The following CTCF variants were observed in gnomAD, a reference collection of about 807,000 sequenced individuals.
The protein encoded by CTCF is CCCTC-binding factor.
A neutral mutation model predicts 72.3 loss-of-function variants in CTCF; 7 were observed. The observed-to-expected ratio is 0.10, with a 90% CI of 0.06 to 0.18. The LOEUF is 0.18. CTCF is among the 10% of genes least tolerant of loss of function. The pLI, the probability that CTCF is intolerant of heterozygous loss-of-function variation, is 1.00. For synonymous variants in CTCF, 374 were observed against 315.8 expected (o/e 1.18, Z -1.95); for missense variants, 516 against 949.1 (o/e 0.54, Z 6.00).
rs1461440195 is a variant in CTCF, at chr16:67,637,951, C to T, written c.*79C>T. 4 of 1,272,094 alleles carry T rather than the reference C, an allele frequency of 3.1e-6. No individual in the cohort carries two copies. The Admixed American group carries it at 1.1e-4, about 35-fold the overall frequency. 78.8% of individuals were successfully genotyped at this position (1,272,094 alleles called of 1,614,324 possible). ...GCATCTTAATTTTTCTCCCTTCTTT[C>T]TTTTTTTGGCTTTGGGAAAAGCATC... is the stretch of plus-strand genomic sequence containing the variant. On this transcript the variant is annotated 3_prime_UTR_variant, in exon 12 of 12. Coordinates refer to ENST00000264010, the MANE Select transcript of CTCF (RefSeq NM_006565.4).
At chr16:67,591,453 A>G (rs1011887866) in intron 2 of CTCF, among the ~76,000 whole-genome samples, 1 of 151,456 alleles carries the variant, frequency 6.6e-6, no homozygotes, top group Non-Finnish European at 1.5e-5. Flanking sequence ...TCCCAATTCA[A>G]CTCCTCCTCA....
chr16:67,576,956 A>G (rs537906220), intron 2 of CTCF, among the ~76,000 whole-genome samples: 14 of 152,276 alleles, frequency 9.2e-5, no homozygotes, highest in African/African-American at 3.4e-4. Flanking sequence ...GAGAGTAAGT[A>G]TATGTATATA....
intron 2 of CTCF, among the ~76,000 whole-genome samples, chr16:67,585,473 C>T (rs531573638): frequency 6.6e-6 from 1 of 152,344 alleles, no homozygotes; most frequent in South Asian, 2.1e-4. Flanking sequence ...TATTAAAGTT[C>T]AGTATCTAAT....
chr16:67,620,646 G>C, intron 5 of CTCF, 51 bp from the exon 6 acceptor site: 1 of 1,463,388 alleles, frequency 6.8e-7, no homozygotes, highest in Non-Finnish European at 9.2e-7. Flanking sequence ...CTGTGCTCTT[G>C]TTACAGTCTG....
At chr16:67,608,772 T>C (rs1233900265) in intron 2 of CTCF, among the ~76,000 whole-genome samples, 1 of 151,980 alleles carries the variant, frequency 6.6e-6, no homozygotes, top group Non-Finnish European at 1.5e-5. Flanking sequence ...GTTTCGTTCT[T>C]GTTGCCCAGG....
chr16:67,570,549 C>T (rs1462203221), intron 1 of CTCF, among the ~76,000 whole-genome samples: 2 of 151,372 alleles, frequency 1.3e-5, no homozygotes, highest in Non-Finnish European at 2.9e-5. Context: ...CCCAGGTTTG[C>T]ACCATTCTCA....
rs1327840522 is a variant in CTCF, at chr16:67,632,074, C to CAACAAAA, written c.1837+2543_1837+2544insCAAAAAA. Reference sequence around the variant, plus strand: ...GGGTAACAGAGCGAGACCCTGTCTCCAAAAAAAAAAAAAAAGGGAAAAAAA... The same window carrying CAACAAAA: ...GGGTAACAGAGCGAGACCCTGTCTCCAACAAAAAAAAAAAAAAAAAAAGGGAAAAAAA... On this transcript the variant is annotated intron_variant, in intron 10 of 11. Coordinates refer to ENST00000264010, the MANE Select transcript of CTCF (RefSeq NM_006565.4). 2.1e-3 allele frequency among the ~76,000 whole-genome samples: 199 copies of CAACAAAA among 96,350 alleles called. 1 individual carries two copies. The highest frequency in any genetic ancestry group is 0.018 in the Middle Eastern group (3 of 166). The allele number at this position is 96,350 out of a possible 152,430, so 63.2% of individuals were successfully genotyped here.
chr16:67,624,117 ATGTGTG>A (rs1207947513), intron 7 of CTCF, among the ~76,000 whole-genome samples: 1 of 92,568 alleles, frequency 1.1e-5, no homozygotes, highest in African/African-American at 4.3e-5. Context: ...GTGTGTGTGT[ATGTGTG>A]TGTATATATA....
At chr16:67,590,773 A>G (rs2051731928) in intron 2 of CTCF, among the ~76,000 whole-genome samples, 2 of 151,762 alleles carry the variant, frequency 1.3e-5, no homozygotes, top group African/African-American at 4.8e-5. Flanking sequence ...CGTGGCCAAC[A>G]TGGCGAAACC....
intron 2 of CTCF, among the ~76,000 whole-genome samples, chr16:67,579,493 G>A (rs1054846009): frequency 6.6e-6 from 1 of 151,700 alleles, no homozygotes; most frequent in South Asian, 2.1e-4. Context: ...CGAGTAGCTG[G>A]GATTATGGGC....
chr16:67,608,240 C>T (rs1202411482), intron 2 of CTCF, among the ~76,000 whole-genome samples: 3 of 150,214 alleles, frequency 2.0e-5, no homozygotes, highest in Non-Finnish European at 3.0e-5. Flanking sequence ...AGGAGAATGG[C>T]GTGAACCTGG....
chr16:67,577,357 C>CAAAAA (rs72483780), intron 2 of CTCF, among the ~76,000 whole-genome samples: 1 of 61,410 alleles, frequency 1.6e-5, no homozygotes, highest in Non-Finnish European at 3.5e-5. Context: ...GGCTCTGTCT[C>CAAAAA]AAAAAAAAAA....
chr16:67,587,100 ATTTTTTTT>A (rs754060008), intron 2 of CTCF, among the ~76,000 whole-genome samples: 1 of 98,726 alleles, frequency 1.0e-5, no homozygotes, highest in Admixed American at 1.2e-4. Context: ...CTTCTTAAAC[ATTTTTTTT>A]TTTTTTTTTT....
At chr16:67,580,341 C>G (rs893730388) in intron 2 of CTCF, among the ~76,000 whole-genome samples, 1 of 151,932 alleles carries the variant, frequency 6.6e-6, no homozygotes, top group Non-Finnish European at 1.5e-5. Context: ...TCCTGAGTAG[C>G]TAGGAGTGTA....
At chr16:67,573,094 T>TA (rs1008598829) in intron 2 of CTCF, among the ~76,000 whole-genome samples, 4 of 151,180 alleles carry the variant, frequency 2.6e-5, no homozygotes, top group African/African-American at 7.3e-5. Context: ...CTACTAAAAA[T>TA]ACAAAAAATT....
chr16:67,624,119 GTGTGTGTATATA>G (rs2052247621), intron 7 of CTCF, among the ~76,000 whole-genome samples: 3 of 121,802 alleles, frequency 2.5e-5, no homozygotes, highest in African/African-American at 1.0e-4. Context: ...GTGTGTGTAT[GTGTGTGTATATA>G]TATGTGTGTG....
intron 2 of CTCF, among the ~76,000 whole-genome samples, chr16:67,593,480 A>G (rs1174044345): frequency 6.6e-6 from 1 of 152,140 alleles, no homozygotes; most frequent in Admixed American, 6.6e-5. Context: ...GCTTAGGATA[A>G]TGACCTCCAG....
At chr16:67,566,104 T>G (rs1198685285) in intron 1 of CTCF, among the ~76,000 whole-genome samples, 3 of 152,176 alleles carry the variant, frequency 2.0e-5, no homozygotes, top group East Asian at 3.8e-4. Flanking sequence ...ACTTGACTGT[T>G]TTGCCAAAAA....
At chr16:67,580,180 C>T (rs1487168735) in intron 2 of CTCF, among the ~76,000 whole-genome samples, 1 of 152,116 alleles carries the variant, frequency 6.6e-6, no homozygotes, top group Non-Finnish European at 1.5e-5. Context: ...ACTGGGATTG[C>T]TGTTTGTCTA....
Sources: allele counts gnomAD v4.1 joint callset (sites outside exome capture counted in the v4.1 genomes callset), GRCh38; gene constraint gnomAD v4.1.1; transcripts MANE v1.5; gene names NCBI Gene and HGNC (gene_info 2026-07-23, HGNC 2026-07-21).